Variants in C8orf34 observed in about 807,000 individuals in gnomAD.
C8orf34 encodes uncharacterized protein C8orf34.
A neutral mutation model predicts 68.3 loss-of-function variants in C8orf34; 65 were observed. That is an observed-to-expected ratio of 0.95 (90% CI 0.78 to 1.17). C8orf34 has a LOEUF of 1.17. Among genes scored for constraint, C8orf34 ranks in the 50% most tolerant of loss-of-function variants. The pLI is 0.00. For missense variants in C8orf34, 664 were observed against 655.4 expected (o/e 1.01, Z -0.14); for synonymous variants, 244 against 241.2 (o/e 1.01, Z -0.11).
intron 7 of C8orf34, among the ~76,000 whole-genome samples, chr8:68,611,130 C>T (rs1303709843): frequency 6.6e-6 from 1 of 152,106 alleles, no homozygotes; most frequent in Admixed American, 6.6e-5. Flanking sequence ...TCCCAAAGTG[C>T]TGGGATTACA....
intron 10 of C8orf34, among the ~76,000 whole-genome samples, chr8:68,724,233 A>T (rs563118731): frequency 2.2e-4 from 33 of 152,208 alleles, no homozygotes; most frequent in Non-Finnish European, 3.7e-4. Flanking sequence ...GTAAATCAAG[A>T]AGAAAATTGT....
At chr8:68,419,070 G>A (rs1239412631) in intron 1 of C8orf34, among the ~76,000 whole-genome samples, 26 of 151,568 alleles carry the variant, frequency 1.7e-4, no homozygotes, top group South Asian at 4.2e-4. Flanking sequence ...GAAAATTTTC[G>A]CAACCTGCTC....
At chr8:68,811,829 T>C (rs1479686708) in intron 12 of C8orf34, among the ~76,000 whole-genome samples, 2 of 152,228 alleles carry the variant, frequency 1.3e-5, no homozygotes, top group Non-Finnish European at 1.5e-5. Flanking sequence ...ATTAATATGA[T>C]TTTACAAACT....
chr8:68,729,834 C>T (rs72666790), intron 10 of C8orf34, among the ~76,000 whole-genome samples: 14,611 of 152,166 alleles, frequency 0.096, 918 homozygotes, highest in Middle Eastern at 0.19. Flanking sequence ...CAACCCTGCC[C>T]ACAGAAACAT....
At chr8:68,376,796 A>G (rs766637445) in intron 1 of C8orf34, among the ~76,000 whole-genome samples, 1 of 152,118 alleles carries the variant, frequency 6.6e-6, no homozygotes, top group Non-Finnish European at 1.5e-5. Context: ...TAGTCAGTGG[A>G]TAACTACCCT....
At chr8:68,442,111 G>C (rs947588907) in intron 2 of C8orf34, among the ~76,000 whole-genome samples, 3 of 152,116 alleles carry the variant, frequency 2.0e-5, no homozygotes, top group Non-Finnish European at 4.4e-5. Flanking sequence ...CTGGGAGAAG[G>C]CAAGTGTGAG....
At chr8:68,687,072 C>T (rs1820540924) in intron 8 of C8orf34, among the ~76,000 whole-genome samples, 1 of 152,064 alleles carries the variant, frequency 6.6e-6, no homozygotes, top group South Asian at 2.1e-4. Flanking sequence ...GGTGAAAGAG[C>T]TGTACAAACA....
intron 7 of C8orf34, among the ~76,000 whole-genome samples, chr8:68,626,446 G>A (rs991635179): frequency 7.2e-5 from 11 of 152,312 alleles, no homozygotes; most frequent in Admixed American, 1.3e-4. Context: ...AATTTAGAGC[G>A]TGGATGCAGA....
intron 12 of C8orf34, among the ~76,000 whole-genome samples, chr8:68,807,064 C>T (rs550307125): frequency 8.5e-5 from 13 of 152,272 alleles, no homozygotes; most frequent in African/African-American, 3.1e-4. Context: ...TGCACCTCTC[C>T]ATGAAATATT....
At chr8:68,723,525 A>C (rs1335704342) in intron 10 of C8orf34, among the ~76,000 whole-genome samples, 1 of 152,086 alleles carries the variant, frequency 6.6e-6, no homozygotes, top group South Asian at 2.1e-4. Flanking sequence ...GGTGATTATA[A>C]CCTACTGTTG....
intron 8 of C8orf34, among the ~76,000 whole-genome samples, chr8:68,679,877 A>G (rs1413789798): frequency 1.3e-5 from 2 of 152,200 alleles, no homozygotes; most frequent in Non-Finnish European, 2.9e-5. Context: ...GGATATCTAC[A>G]TTCAGAAGAA....
chr8:68,715,443 C>A (rs1400507153), intron 9 of C8orf34, among the ~76,000 whole-genome samples: 1 of 151,832 alleles, frequency 6.6e-6, no homozygotes, highest in African/African-American at 2.4e-5. Context: ...ACTAACAATC[C>A]TATCAAAAAG....
intron 3 of C8orf34, among the ~76,000 whole-genome samples, chr8:68,460,219 G>T (rs1811741235): frequency 6.6e-6 from 1 of 152,154 alleles, no homozygotes; most frequent in Non-Finnish European, 1.5e-5. Context: ...AAACTGCAAG[G>T]CAGCAGCGAG....
At chr8:68,655,053 A>G (rs770020958) in intron 8 of C8orf34, among the ~76,000 whole-genome samples, 1 of 152,158 alleles carries the variant, frequency 6.6e-6, no homozygotes, top group South Asian at 2.1e-4. Flanking sequence ...TTTAATAAAA[A>G]TCACTGGCGT....
At chr8:68,416,594 C>T (rs111573347) in intron 1 of C8orf34, among the ~76,000 whole-genome samples, 8,972 of 151,884 alleles carry the variant, frequency 0.059, 515 homozygotes, top group African/African-American at 0.15. Flanking sequence ...TGCAGTGGCA[C>T]GATCTCAGCT....
chr8:68,594,660 A>G (rs1381145031), intron 7 of C8orf34, among the ~76,000 whole-genome samples: 2 of 152,066 alleles, frequency 1.3e-5, no homozygotes, highest in Admixed American at 1.3e-4. Flanking sequence ...TTATATTTCT[A>G]TGTTCTACTA....
At chr8:68,768,511 G>GT (rs1290947064) in intron 10 of C8orf34, among the ~76,000 whole-genome samples, 9 of 152,010 alleles carry the variant, frequency 5.9e-5, no homozygotes, top group African/African-American at 2.2e-4. Flanking sequence ...CTCGTTTCTT[G>GT]TATCTTTATC....
At chr8:68,693,553 A>G (rs983884836) in intron 8 of C8orf34, among the ~76,000 whole-genome samples, 1 of 152,162 alleles carries the variant, frequency 6.6e-6, no homozygotes, top group Non-Finnish European at 1.5e-5. Context: ...ACTTTCCTGG[A>G]GTAGGAAAAG....
intron 1 of C8orf34, among the ~76,000 whole-genome samples, chr8:68,402,354 C>T (rs529666243): frequency 6.6e-6 from 1 of 152,020 alleles, no homozygotes; most frequent in African/African-American, 2.4e-5. Context: ...TTTCGAGGAA[C>T]TAATTTTTTC....
Sources: allele counts gnomAD v4.1 joint callset (sites outside exome capture counted in the v4.1 genomes callset), GRCh38; gene constraint gnomAD v4.1.1; transcripts MANE v1.5; gene names NCBI Gene and HGNC (gene_info 2026-07-23, HGNC 2026-07-21).